CPQ: variants seen among roughly 807,000 people sequenced by gnomAD.
The protein encoded by CPQ is carboxypeptidase Q, also known as Ser-Met dipeptidase.
CPQ carries 37 observed loss-of-function variants against 45.7 expected under a neutral mutation model. That is an observed-to-expected ratio of 0.81 (90% CI 0.62 to 1.07). CPQ has a LOEUF of 1.07. Among genes scored for constraint, CPQ ranks in the 50% least tolerant of loss-of-function variants. The pLI, the probability that CPQ is intolerant of heterozygous loss-of-function variation, is 0.00. For missense variants in CPQ, 537 were observed against 572.9 expected, an observed-to-expected ratio of 0.94 and a Z score of 0.64; for synonymous variants, 186 against 205.8, an observed-to-expected ratio of 0.90 and a Z score of 0.82.
At chr8:96,730,695 A>G (rs371933158) in intron 1 of CPQ, among the ~76,000 whole-genome samples, 4 of 151,746 alleles carry the variant, frequency 2.6e-5, no homozygotes, top group Non-Finnish European at 5.9e-5. Context: ...GCACATTGGC[A>G]TCACCTGGGA....
intron 1 of CPQ, among the ~76,000 whole-genome samples, chr8:96,699,885 A>G (rs1809432888): frequency 1.3e-5 from 2 of 151,948 alleles, no homozygotes; most frequent in Admixed American, 1.3e-4. Flanking sequence ...CCCAATTGAT[A>G]AAAGAAGATG....
At chr8:97,039,916 T>C (rs1266652305) in intron 6 of CPQ, among the ~76,000 whole-genome samples, 1 of 151,964 alleles carries the variant, frequency 6.6e-6, no homozygotes, top group Non-Finnish European at 1.5e-5. Flanking sequence ...AAGTCTTTGC[T>C]ATTGTGAATA....
intron 6 of CPQ, 89 bp downstream of exon 6, chr8:97,029,583 T>C: frequency 8.1e-7 from 1 of 1,234,492 alleles, no homozygotes; most frequent in Non-Finnish European, 1.2e-6. Flanking sequence ...CAATAATACT[T>C]TCTGGTCAAC....
At position 96,854,557 on chromosome 8, in the gene CPQ, A is replaced by AAAAAAAAAAAAC. The variant is rs1554573253; in HGVS notation, c.641+19379_641+19380insAAAAAAAAACAA. Reference sequence around the variant, plus strand: ...AAAAAAAAAAAAAAAAAAAAAAAAAAAATGTGGTGGAACTAAAAGCCCAGT... The same window carrying AAAAAAAAAAAAC: ...AAAAAAAAAAAAAAAAAAAAAAAAAAAAAAAAAAAAACAATGTGGTGGAACTAAAAGCCCAGT... On this transcript the variant is annotated intron_variant, in intron 3 of 7. Coordinates refer to ENST00000220763, the MANE Select transcript of CPQ (RefSeq NM_016134.4). 1.4e-4 allele frequency among the ~76,000 whole-genome samples: 11 copies of AAAAAAAAAAAAC among 76,888 alleles called. 3 individuals are homozygous for AAAAAAAAAAAAC. Among genetic ancestry groups the AAAAAAAAAAAAC allele is most frequent in the African/African-American group, 5.5e-4 (11 of 20,040 alleles). 50.4% of individuals were successfully genotyped at this position (76,888 alleles called of 152,430 possible). A position where few individuals can be genotyped will look rare whatever the true frequency, so the allele number is the denominator to read the frequency against.
chr8:97,042,187 T>G (rs1224442199), intron 6 of CPQ, among the ~76,000 whole-genome samples: 3 of 152,224 alleles, frequency 2.0e-5, no homozygotes, highest in Non-Finnish European at 4.4e-5. Context: ...TATTCAGAGA[T>G]TCAACTTCTT....
chr8:96,687,841 A>G (rs989577664), intron 1 of CPQ, among the ~76,000 whole-genome samples: 11 of 151,868 alleles, frequency 7.2e-5, no homozygotes, highest in African/African-American at 2.7e-4. Context: ...AGATGTATAC[A>G]TTGTTTTTCC....
At chr8:96,814,390 G>C (rs1811198552) in intron 2 of CPQ, among the ~76,000 whole-genome samples, 1 of 152,106 alleles carries the variant, frequency 6.6e-6, no homozygotes. Flanking sequence ...AAAGCCAAAG[G>C]CTTTGGCCAC....
intron 1 of CPQ, among the ~76,000 whole-genome samples, chr8:96,723,278 T>C (rs1586373704): frequency 6.6e-6 from 1 of 152,216 alleles, no homozygotes. Context: ...TCTAAGAATA[T>C]ATCAATTAAG....
At chr8:96,699,882 G>A (rs1002934933) in intron 1 of CPQ, among the ~76,000 whole-genome samples, 1 of 152,090 alleles carries the variant, frequency 6.6e-6, no homozygotes, top group African/African-American at 2.4e-5. Flanking sequence ...TTTCCCAATT[G>A]ATAAAAGAAG....
At chr8:96,744,232 C>T (rs1020146899) in intron 1 of CPQ, among the ~76,000 whole-genome samples, 3 of 152,210 alleles carry the variant, frequency 2.0e-5, no homozygotes, top group African/African-American at 7.2e-5. Context: ...GGGAGTGACC[C>T]GATTTTCCAG....
At chr8:96,888,540 A>G (rs760439112) in intron 4 of CPQ, among the ~76,000 whole-genome samples, 5 of 152,246 alleles carry the variant, frequency 3.3e-5, no homozygotes, top group Admixed American at 2.0e-4. Context: ...TGCTGGAGAA[A>G]AGCATTATTT....
intron 4 of CPQ, among the ~76,000 whole-genome samples, chr8:96,915,633 G>A (rs1390861568): frequency 6.6e-6 from 1 of 152,052 alleles, no homozygotes; most frequent in Non-Finnish European, 1.5e-5. Context: ...AGTCCTCCCA[G>A]TATTCAGGAC....
At position 96,767,859 on chromosome 8, in the gene CPQ, G is replaced by C. The variant is rs140177922; in HGVS notation, c.-34-17005G>C. ...AGGGTTTCACATGTTGGCCAGGCTG[G>C]TCTCGAACCCCTAACCTCAGATGAT... On this transcript the variant is annotated intron_variant, in intron 1 of 7. Coordinates refer to ENST00000220763, the MANE Select transcript of CPQ (RefSeq NM_016134.4). Among the ~76,000 whole-genome samples the C allele has an allele frequency of 3.9e-3, 591 of 151,956 alleles. 6 individuals are homozygous for C. Among genetic ancestry groups the C allele is most frequent in the African/African-American group, 0.013 (557 of 41,450 alleles).
At chr8:96,969,155 A>G (rs1383793413) in intron 5 of CPQ, among the ~76,000 whole-genome samples, 1 of 152,246 alleles carries the variant, frequency 6.6e-6, no homozygotes, top group Non-Finnish European at 1.5e-5. Flanking sequence ...AGATATGAGA[A>G]TTAACAGTAT....
intron 4 of CPQ, among the ~76,000 whole-genome samples, chr8:96,930,086 G>A (rs771126777): frequency 2.0e-5 from 3 of 152,078 alleles, no homozygotes; most frequent in Non-Finnish European, 4.4e-5. Context: ...AAACTATAGG[G>A]GTTTCTATGG....
chr8:96,915,976 C>T (rs1348594879), intron 4 of CPQ, among the ~76,000 whole-genome samples: 1 of 152,082 alleles, frequency 6.6e-6, no homozygotes, highest in Non-Finnish European at 1.5e-5. Flanking sequence ...TATCTCTGCC[C>T]TGAGAATTTG....
chr8:96,652,768 G>A (rs1815591592), intron 1 of CPQ, among the ~76,000 whole-genome samples: 1 of 152,114 alleles, frequency 6.6e-6, no homozygotes, highest in Non-Finnish European at 1.5e-5. Flanking sequence ...GAGTAGCTGG[G>A]ACTACCGGCG....
At chr8:97,122,597 A>G (rs1811724301) in intron 7 of CPQ, among the ~76,000 whole-genome samples, 1 of 152,110 alleles carries the variant, frequency 6.6e-6, no homozygotes, top group South Asian at 2.1e-4. Flanking sequence ...AAATTAATAA[A>G]TATGTAAGCT....
intron 3 of CPQ, among the ~76,000 whole-genome samples, chr8:96,856,145 T>G (rs1468248440): frequency 6.6e-6 from 1 of 152,164 alleles, no homozygotes; most frequent in African/African-American, 2.4e-5. Context: ...TGGAAATAAG[T>G]TTTAAGCAGA....
Sources: gnomAD v4.1 joint callset for allele counts (sites outside exome capture counted in the v4.1 genomes callset) on GRCh38, gnomAD v4.1.1 for gene constraint, MANE v1.5 for transcripts, NCBI Gene and HGNC (gene_info 2026-07-23, HGNC 2026-07-21) for gene names.